Variants in TRIP12 observed in about 807,000 individuals in gnomAD.
TRIP12 encodes the protein thyroid hormone receptor interactor 12.
In TRIP12, 25 loss-of-function variants were observed where a neutral mutation model predicts 244.2. The ratio of observed to expected loss-of-function variants is 0.10; its 90% CI spans 0.07 to 0.14. The LOEUF (loss-of-function observed/expected upper bound fraction) is 0.14, where lower values mean the gene tolerates loss of function less well. TRIP12 is among the 10% of genes least tolerant of loss of function. TRIP12 has a pLI of 1.00. For synonymous variants in TRIP12, 905 were observed against 873.1 expected (o/e 1.04, Z -0.64); for missense variants, 1,677 against 2,486.4 (o/e 0.67, Z 6.92).
intron 1 of TRIP12, among the ~76,000 whole-genome samples, chr2:229,889,576 G>A (rs1196330608): frequency 6.6e-6 from 1 of 152,150 alleles, no homozygotes; most frequent in Non-Finnish European, 1.5e-5. Context: ...CCAGTGAATG[G>A]GGATAGGAGG....
chr2:229,777,048 G>T (rs538876415), intron 37 of TRIP12, among the ~76,000 whole-genome samples: 1 of 152,052 alleles, frequency 6.6e-6, no homozygotes, highest in Non-Finnish European at 1.5e-5. Context: ...TACATAATAT[G>T]TCCATCTAAA....
At chr2:229,786,125 GA>G (rs1167974704) in intron 33 of TRIP12, among the ~76,000 whole-genome samples, 1 of 152,068 alleles carries the variant, frequency 6.6e-6, no homozygotes, top group Non-Finnish European at 1.5e-5. Flanking sequence ...AGTTGGGGAA[GA>G]AAAAAATCGT....
chr2:229,840,685 A>G, intron 5 of TRIP12, 137 bp downstream of exon 5: 1 of 634,276 alleles, frequency 1.6e-6, no homozygotes, highest in East Asian at 3.2e-5. Context: ...CTGGGTGACA[A>G]GAGCAAGACT....
intron 1 of TRIP12, among the ~76,000 whole-genome samples, chr2:229,903,866 CAAA>C (rs869205971): frequency 1.6e-5 from 1 of 62,558 alleles, no homozygotes; most frequent in Non-Finnish European, 3.4e-5. Context: ...ACCAAAAATA[CAAA>C]AAAAAAAAAA....
intron 37 of TRIP12, 47 bp downstream of exon 37, chr2:229,777,268 T>G: frequency 6.4e-7 from 1 of 1,568,060 alleles, no homozygotes; most frequent in Admixed American, 1.9e-5. Context: ...AGCCTCATTT[T>G]TCTAAAATAA....
intron 8 of TRIP12, among the ~76,000 whole-genome samples, chr2:229,822,436 G>A (rs984887393): frequency 2.6e-5 from 4 of 152,152 alleles, no homozygotes; most frequent in Non-Finnish European, 4.4e-5. Flanking sequence ...AATTCTAGGA[G>A]GGCCACAACA....
intron 15 of TRIP12, among the ~76,000 whole-genome samples, chr2:229,810,306 A>C (rs1279501089): frequency 6.6e-6 from 1 of 152,224 alleles, no homozygotes; most frequent in African/African-American, 2.4e-5. Context: ...GGTCAACTGC[A>C]AGAGCATTGC....
intron 2 of TRIP12, among the ~76,000 whole-genome samples, chr2:229,863,400 C>CT (rs1487996999): frequency 1.3e-5 from 2 of 151,992 alleles, no homozygotes; most frequent in African/African-American, 4.8e-5. Context: ...GCCCATGGGA[C>CT]TTAATACATT....
intron 17 of TRIP12, among the ~76,000 whole-genome samples, chr2:229,807,071 TA>T (rs2046066778): frequency 6.6e-6 from 1 of 152,198 alleles, no homozygotes; most frequent in South Asian, 2.1e-4. Context: ...AAAAATCACA[TA>T]AAACTGTCAC....
chr2:229,880,165 T>A, intron 1 of TRIP12, 37 bp from the exon 2 acceptor site: 1 of 1,237,878 alleles, frequency 8.1e-7, no homozygotes, highest in Non-Finnish European at 1.1e-6. Context: ...TTATCAGATG[T>A]ACAAAATACA....
intron 39 of TRIP12, among the ~76,000 whole-genome samples, chr2:229,770,116 G>A (rs913439170): frequency 2.6e-5 from 4 of 151,966 alleles, no homozygotes; most frequent in Non-Finnish European, 5.9e-5. Context: ...GACTACAGGT[G>A]CATACCACCA....
At position 229,798,930 on chromosome 2, in the gene TRIP12, C is replaced by A. The variant is rs946885394; in HGVS notation, c.3427G>T (p.Ala1143Ser). 1 of 1,614,214 alleles carries A rather than the reference C, an allele frequency of 6.2e-7. No individual in the cohort carries two copies. The highest frequency in any genetic ancestry group is 1.3e-5 in the African/African-American group (1 of 75,052). Residue 1143 changes from alanine (A) to serine (S), a missense_variant, in exon 23 of 42, where the codon GCG (alanine) becomes TCG (serine). This residue lies in a region of TRIP12 where 572 missense variants were observed against 867.8 expected (regional missense o/e 0.66). Transcript: ENST00000675903. ...GCCCTGGCAAGGCCACTACCTCCCG[C>A]AGTCCGTGCTGGCTCAATGTTGTTG... ...NSNNIEPART[A>S]GGSGLARAAS...
intron 26 of TRIP12, among the ~76,000 whole-genome samples, chr2:229,794,470 G>A (rs1047875738): frequency 6.6e-6 from 1 of 152,090 alleles, no homozygotes; most frequent in Admixed American, 6.5e-5. Flanking sequence ...GGCAGGCTGA[G>A]GCAGAAAGAT....
intron 26 of TRIP12, among the ~76,000 whole-genome samples, chr2:229,794,141 C>T (rs2042217023): frequency 6.6e-6 from 1 of 152,126 alleles, no homozygotes; most frequent in African/African-American, 2.4e-5. Context: ...AACTGAATAC[C>T]ACACACTACA....
chr2:229,825,395 G>T (rs1396223520), intron 8 of TRIP12, among the ~76,000 whole-genome samples: 2 of 152,170 alleles, frequency 1.3e-5, no homozygotes, highest in Admixed American at 6.5e-5. Context: ...ATGGGGAAAT[G>T]AACAATTTCA....
chr2:229,774,058 T>A, intron 38 of TRIP12, 39 bp downstream of exon 38: 1 of 1,595,054 alleles, frequency 6.3e-7, no homozygotes, highest in Non-Finnish European at 8.5e-7. Context: ...GTCCTCCGTC[T>A]TCACAACTGG....
At chr2:229,909,878 C>A (rs1577079110) in intron 1 of TRIP12, among the ~76,000 whole-genome samples, 1 of 152,064 alleles carries the variant, frequency 6.6e-6, no homozygotes, top group Non-Finnish European at 1.5e-5. Context: ...TATATATATA[C>A]CATTTGCTTA....
intron 1 of TRIP12, among the ~76,000 whole-genome samples, chr2:229,890,338 C>T (rs2067031299): frequency 6.6e-6 from 1 of 152,076 alleles, no homozygotes. Flanking sequence ...CCTCGGCCTC[C>T]ATCCACCTGC....
At chr2:229,800,018 A>G (rs2043867371) in intron 21 of TRIP12, among the ~76,000 whole-genome samples, 1 of 152,210 alleles carries the variant, frequency 6.6e-6, no homozygotes, top group Non-Finnish European at 1.5e-5. Flanking sequence ...AACACAAAGG[A>G]GCAAAATAAA....
Sources: gnomAD v4.1 joint callset for allele counts (sites outside exome capture counted in the v4.1 genomes callset) on GRCh38, gnomAD v4.1.1 for gene constraint, gnomAD v4.1.1 regional missense constraint, MANE v1.5 for transcripts, NCBI Gene and HGNC (gene_info 2026-07-23, HGNC 2026-07-21) for gene names.